The following CSMD1 variants were observed in gnomAD, a reference collection of about 807,000 sequenced individuals.
The protein encoded by CSMD1 is CUB and Sushi multiple domains 1.
A neutral mutation model predicts 417.5 loss-of-function variants in CSMD1; 213 were observed. The ratio of observed to expected loss-of-function variants is 0.51; its 90% CI spans 0.46 to 0.57. The LOEUF (loss-of-function observed/expected upper bound fraction) is 0.57. Among genes scored for constraint, CSMD1 ranks in the 20% least tolerant of loss-of-function variants. The pLI is 0.00. For missense variants in CSMD1, 6,923 were observed against 4,529.7 expected (o/e 1.53, Z -15.17); for synonymous variants, 2,862 against 1,736.8 (o/e 1.65, Z -16.11).
In CSMD1 at chr8:3,293,957, T is replaced by TTATC. The variant is rs1397838794; in HGVS notation, c.3951-9615_3951-9612dup. Among the ~76,000 whole-genome samples the TTATC allele has an allele frequency of 2.6e-5, 4 of 152,292 alleles. No individual in the cohort carries two copies. In the East Asian group the frequency reaches 7.7e-4, roughly 29 times the overall value. ...CTGTTTTTTCCCCATCTTTGTGGTT[T>TTATC]TATCTACCTTTGGTCTTTGATGATG... is the stretch of plus-strand genomic sequence containing the variant. On this transcript the variant is annotated intron_variant, in intron 25 of 69. Transcript: ENST00000635120.
At chr8:4,157,108 T>C (rs1434194118) in intron 3 of CSMD1, among the ~76,000 whole-genome samples, 3 of 152,168 alleles carry the variant, frequency 2.0e-5, no homozygotes, top group Admixed American at 1.3e-4. Context: ...TCACTGCCTA[T>C]CTTGTGGAAA....
At chr8:4,822,140 A>T (rs1799558146) in intron 1 of CSMD1, among the ~76,000 whole-genome samples, 1 of 151,946 alleles carries the variant, frequency 6.6e-6, no homozygotes, top group African/African-American at 2.4e-5. Flanking sequence ...TGAAAGTTAA[A>T]TGTTATAAGC....
At chr8:3,106,484 A>T in intron 46 of CSMD1, 44 bp downstream of exon 46, 1 of 1,193,294 alleles carries the variant, frequency 8.4e-7, no homozygotes, top group South Asian at 1.3e-5. Context: ...ACAATTTTCC[A>T]TGTTGAATAA....
At chr8:4,236,039 G>GTTTTTTT (rs869245155) in intron 3 of CSMD1, among the ~76,000 whole-genome samples, 39 of 31,688 alleles carry the variant, frequency 1.2e-3, no homozygotes, top group African/African-American at 2.5e-3. Context: ...TTTTTTGTTT[G>GTTTTTTT]TTTTTTTTTT....
At chr8:3,023,839 T>C (rs1235128189) in intron 51 of CSMD1, among the ~76,000 whole-genome samples, 1 of 143,828 alleles carries the variant, frequency 7.0e-6, no homozygotes, top group Non-Finnish European at 1.5e-5. Flanking sequence ...CACTCTAAAA[T>C]GAACACTGGG....
At chr8:4,298,855 C>A (rs1797828121) in intron 3 of CSMD1, among the ~76,000 whole-genome samples, 1 of 152,038 alleles carries the variant, frequency 6.6e-6, no homozygotes, top group East Asian at 1.9e-4. Flanking sequence ...TCTGGAAATA[C>A]TGGTATAATT....
At chr8:3,827,495 G>C (rs17067701) in intron 5 of CSMD1, among the ~76,000 whole-genome samples, 1,624 of 152,250 alleles carry the variant, frequency 0.011, 30 homozygotes, top group African/African-American at 0.037. Flanking sequence ...TTTTTAACTT[G>C]TAATTCCTCT....
intron 3 of CSMD1, among the ~76,000 whole-genome samples, chr8:4,294,151 C>T (rs930919102): frequency 6.6e-6 from 1 of 152,152 alleles, no homozygotes. Flanking sequence ...TAACCCCGAC[C>T]AGCAGCCACT....
intron 5 of CSMD1, among the ~76,000 whole-genome samples, chr8:3,913,243 C>T (rs1209943961): frequency 6.6e-6 from 1 of 152,098 alleles, no homozygotes; most frequent in African/African-American, 2.4e-5. Context: ...ATTCAGGAAT[C>T]CTTGGCACGA....
chr8:3,487,794 C>G (rs1471246495), intron 11 of CSMD1, among the ~76,000 whole-genome samples: 4 of 151,962 alleles, frequency 2.6e-5, no homozygotes, highest in African/African-American at 9.7e-5. Flanking sequence ...TAAAAGAATC[C>G]CATGGAATAT....
At chr8:4,897,348 T>C (rs542016517) in intron 1 of CSMD1, among the ~76,000 whole-genome samples, 1 of 152,202 alleles carries the variant, frequency 6.6e-6, no homozygotes, top group South Asian at 2.1e-4. Context: ...ATATTGTTTC[T>C]ATAGGCCATG....
chr8:3,673,410 ACGTAG>A (rs1799187872), intron 7 of CSMD1, among the ~76,000 whole-genome samples: 1 of 152,234 alleles, frequency 6.6e-6, no homozygotes, highest in Non-Finnish European at 1.5e-5. Context: ...GTATTTGAAG[ACGTAG>A]CATCAACTCC....
At chr8:3,682,781 T>G (rs1238774692) in intron 7 of CSMD1, among the ~76,000 whole-genome samples, 1 of 152,190 alleles carries the variant, frequency 6.6e-6, no homozygotes, top group East Asian at 1.9e-4. Flanking sequence ...AGCAAAGACT[T>G]GGATCCAACC....
chr8:3,137,543 A>C (rs1429355562), intron 41 of CSMD1, among the ~76,000 whole-genome samples: 1 of 152,228 alleles, frequency 6.6e-6, no homozygotes, highest in Non-Finnish European at 1.5e-5. Context: ...GCATCCTTTA[A>C]ACATAGAAAT....
chr8:4,232,331 T>G (rs1425806610), intron 3 of CSMD1, among the ~76,000 whole-genome samples: 5 of 152,180 alleles, frequency 3.3e-5, no homozygotes, highest in African/African-American at 4.8e-5. Flanking sequence ...CCCTAGTACC[T>G]GGGATTACAG....
intron 50 of CSMD1, among the ~76,000 whole-genome samples, chr8:3,038,952 T>C (rs1319948370): frequency 1.3e-5 from 2 of 152,086 alleles, no homozygotes; most frequent in Non-Finnish European, 2.9e-5. Flanking sequence ...GGTGACTATA[T>C]AGATTAGGTA....
At chr8:4,154,843 T>G (rs1796748780) in intron 3 of CSMD1, among the ~76,000 whole-genome samples, 1 of 152,104 alleles carries the variant, frequency 6.6e-6, no homozygotes, top group Admixed American at 6.5e-5. Flanking sequence ...TAGTGAAAGC[T>G]TTCTGATTTG....
chr8:3,250,366 T>C (rs1376682344), intron 26 of CSMD1, among the ~76,000 whole-genome samples: 3 of 152,254 alleles, frequency 2.0e-5, no homozygotes, highest in Non-Finnish European at 4.4e-5. Context: ...GCTTCATCCC[T>C]GTCCCTACAA....
intron 3 of CSMD1, among the ~76,000 whole-genome samples, chr8:4,348,783 C>G (rs1227266724): frequency 6.6e-6 from 1 of 152,142 alleles, no homozygotes; most frequent in Non-Finnish European, 1.5e-5. Flanking sequence ...ATGTGACTTT[C>G]TTTCAATCCC....
Sources: allele counts gnomAD v4.1 joint callset (sites outside exome capture counted in the v4.1 genomes callset), GRCh38; gene constraint gnomAD v4.1.1; transcripts MANE v1.5; gene names NCBI Gene and HGNC (gene_info 2026-07-23, HGNC 2026-07-21).